The following NAV2 variants were observed in gnomAD, a reference collection of about 807,000 sequenced individuals.
NAV2 encodes neuron navigator 2, also known as helicase, APC down-regulated 1.
In NAV2, 54 loss-of-function variants were observed where a neutral mutation model predicts 223.2. The observed-to-expected ratio is 0.24, with a 90% confidence interval of 0.19 to 0.30. NAV2 has a LOEUF of 0.30. Ranked by LOEUF, NAV2 falls within the 10% of genes least tolerant of loss-of-function variation. The pLI is 1.00. For synonymous variants in NAV2, 1,279 were observed against 1,239.3 expected, an observed-to-expected ratio of 1.03 and a Z score of -0.67; for missense variants, 2,806 against 3,147.5, an observed-to-expected ratio of 0.89 and a Z score of 2.60.
chr11:20,076,184 C>T (rs191772247), intron 22 of NAV2, among the ~76,000 whole-genome samples: 1 of 152,298 alleles, frequency 6.6e-6, no homozygotes, highest in African/African-American at 2.4e-5. Context: ...AGGTGATTTG[C>T]TCTGTTATGG....
At chr11:19,652,970 A>G (rs75802524) in intron 1 of NAV2, among the ~76,000 whole-genome samples, 4,216 of 152,234 alleles carry the variant, frequency 0.028, 179 homozygotes, top group African/African-American at 0.085. Flanking sequence ...CTGAGGCCAC[A>G]AAGCATTGGT....
intron 1 of NAV2, among the ~76,000 whole-genome samples, chr11:19,633,675 T>C (rs1010210685): frequency 6.6e-6 from 1 of 152,238 alleles, no homozygotes; most frequent in Non-Finnish European, 1.5e-5. Context: ...GGGAAGCATT[T>C]TGAGTGTTTG....
intron 29 of NAV2, among the ~76,000 whole-genome samples, chr11:20,094,721 G>A (rs1592120369): frequency 6.6e-6 from 1 of 152,158 alleles, no homozygotes; most frequent in East Asian, 1.9e-4. Context: ...TTATACAATT[G>A]AGAAACCCGA....
chr11:19,685,587 A>G (rs924773475), intron 1 of NAV2, among the ~76,000 whole-genome samples: 1 of 152,224 alleles, frequency 6.6e-6, no homozygotes, highest in Non-Finnish European at 1.5e-5. Flanking sequence ...GTGCTCATTA[A>G]GAGTATCAGT....
At chr11:20,029,608 C>CT (rs780082339) in intron 11 of NAV2, among the ~76,000 whole-genome samples, 2 of 152,202 alleles carry the variant, frequency 1.3e-5, no homozygotes, top group Non-Finnish European at 2.9e-5. Flanking sequence ...AGGGAAAACT[C>CT]TGAATTCTCA....
intron 3 of NAV2, among the ~76,000 whole-genome samples, chr11:19,863,527 T>C (rs1224352781): frequency 1.3e-5 from 2 of 152,112 alleles, no homozygotes; most frequent in East Asian, 1.9e-4. Context: ...AGATCTATTA[T>C]GTGCTGCACC....
chr11:20,023,013 T>A, intron 11 of NAV2: 2 of 1,515,262 alleles, frequency 1.3e-6, no homozygotes, highest in Non-Finnish European at 1.8e-6. Context: ...CCTGGCCCAG[T>A]GTGGGCTGGC....
At chr11:19,841,842 A>G (rs936185871) in intron 2 of NAV2, among the ~76,000 whole-genome samples, 2 of 152,238 alleles carry the variant, frequency 1.3e-5, no homozygotes, top group Admixed American at 1.3e-4. Context: ...TGATACTACC[A>G]TTTAGAGAAT....
chr11:19,430,548 G>A (rs917634625), intron 1 of NAV2, among the ~76,000 whole-genome samples: 5 of 152,202 alleles, frequency 3.3e-5, no homozygotes, highest in Admixed American at 1.3e-4. Flanking sequence ...TGGCTATCAC[G>A]GCAGCTTCAG....
At chr11:19,524,822 C>T (rs772899310) in intron 1 of NAV2, among the ~76,000 whole-genome samples, 1 of 152,192 alleles carries the variant, frequency 6.6e-6, no homozygotes, top group Non-Finnish European at 1.5e-5. Context: ...TAATTCTTTA[C>T]AAGCTTCTAG....
intron 1 of NAV2, among the ~76,000 whole-genome samples, chr11:19,824,102 A>G (rs1478071774): frequency 6.6e-6 from 1 of 152,196 alleles, no homozygotes; most frequent in African/African-American, 2.4e-5. Context: ...GAATATTAAT[A>G]ATGGTTGTTT....
intron 12 of NAV2, among the ~76,000 whole-genome samples, chr11:20,036,399 G>T (rs1834877271): frequency 6.6e-6 from 1 of 152,214 alleles, no homozygotes; most frequent in Admixed American, 6.5e-5. Context: ...ACAAACAACA[G>T]AAAAGGATGT....
chr11:19,748,570 C>T (rs1565249124), intron 1 of NAV2, among the ~76,000 whole-genome samples: 1 of 152,220 alleles, frequency 6.6e-6, no homozygotes, highest in Non-Finnish European at 1.5e-5. Flanking sequence ...TTGTTCTCCA[C>T]CTAATCCCTG....
chr11:19,909,230 A>G (rs2043118416), intron 6 of NAV2, among the ~76,000 whole-genome samples: 1 of 152,138 alleles, frequency 6.6e-6, no homozygotes, highest in African/African-American at 2.4e-5. Flanking sequence ...TTCCCTGTAT[A>G]TATTTAACTT....
At chr11:20,092,110 C>A in intron 27 of NAV2, 96 bp from the exon 28 acceptor site, 1 of 1,243,766 alleles carries the variant, frequency 8.0e-7, no homozygotes, top group Non-Finnish European at 1.2e-6. Context: ...GAAGACCAGC[C>A]TGGTTTCTGC....
intron 1 of NAV2, among the ~76,000 whole-genome samples, chr11:19,560,291 A>G (rs956418394): frequency 2.0e-5 from 3 of 152,224 alleles, no homozygotes; most frequent in Non-Finnish European, 4.4e-5. Context: ...CCAGGTTATC[A>G]GCTATTGAGA....
chr11:20,015,304 T>G (rs1029010369), intron 11 of NAV2, among the ~76,000 whole-genome samples: 1 of 152,160 alleles, frequency 6.6e-6, no homozygotes, highest in African/African-American at 2.4e-5. Flanking sequence ...CACAGAAATT[T>G]TTGTGGCTGT....
chr11:19,534,370 A>G (rs2044122572), intron 1 of NAV2, among the ~76,000 whole-genome samples: 1 of 152,190 alleles, frequency 6.6e-6, no homozygotes, highest in Admixed American at 6.5e-5. Context: ...CATGGGTCCA[A>G]CAGCTTTGGT....
chr11:20,117,385 T>C (rs1438424245), intron 37 of NAV2, among the ~76,000 whole-genome samples: 1 of 152,120 alleles, frequency 6.6e-6, no homozygotes, highest in Non-Finnish European at 1.5e-5. Flanking sequence ...TTAATACACA[T>C]TATATCATTT....
Sources: allele counts gnomAD v4.1 joint callset (sites outside exome capture counted in the v4.1 genomes callset), GRCh38; gene constraint gnomAD v4.1.1; transcripts MANE v1.5; gene names NCBI Gene and HGNC (gene_info 2026-07-23, HGNC 2026-07-21).